The following LARGE1 variants were observed in gnomAD, a reference collection of about 807,000 sequenced individuals.
The protein encoded by LARGE1 is xylosyl- and glucuronyltransferase LARGE1.
In LARGE1, 43 loss-of-function variants were observed where a neutral mutation model predicts 87.6. That is an observed-to-expected ratio of 0.49 (90% CI 0.38 to 0.63). The LOEUF (loss-of-function observed/expected upper bound fraction) is 0.63, where lower values mean the gene tolerates loss of function less well. Ranked by LOEUF, LARGE1 falls within the 30% of genes least tolerant of loss-of-function variation. The pLI is 0.00. For missense variants in LARGE1, 802 were observed against 1,000.2 expected (o/e 0.80, Z 2.67); for synonymous variants, 434 against 394.6 (o/e 1.10, Z -1.18).
intron 2 of LARGE1, among the ~76,000 whole-genome samples, chr22:33,735,827 A>C (rs1351315025): frequency 6.6e-6 from 1 of 152,132 alleles, no homozygotes; most frequent in Non-Finnish European, 1.5e-5. Flanking sequence ...AAAACCACCA[A>C]TCTACTTTCT....
chr22:33,659,843 T>C (rs753932362), intron 2 of LARGE1, among the ~76,000 whole-genome samples: 9 of 151,252 alleles, frequency 6.0e-5, no homozygotes, highest in Non-Finnish European at 8.8e-5. Context: ...TGCACCATAA[T>C]AGGCTGAATG....
chr22:33,847,429 T>G (rs1277094919), intron 1 of LARGE1, among the ~76,000 whole-genome samples: 3 of 152,242 alleles, frequency 2.0e-5, no homozygotes, highest in African/African-American at 7.2e-5. Flanking sequence ...GTTCTGAAAC[T>G]TTTCATTTAA....
At chr22:33,403,564 C>T (rs2065995046) in intron 7 of LARGE1, among the ~76,000 whole-genome samples, 1 of 151,980 alleles carries the variant, frequency 6.6e-6, no homozygotes, top group South Asian at 2.1e-4. Flanking sequence ...TTCTAGTCTG[C>T]TACTTGTTTT....
At chr22:33,706,200 G>T (rs1379131185) in intron 2 of LARGE1, among the ~76,000 whole-genome samples, 1 of 152,192 alleles carries the variant, frequency 6.6e-6, no homozygotes, top group African/African-American at 2.4e-5. Context: ...AACCCCATCA[G>T]ACTGGCTGCA....
chr22:33,322,845 G>T (rs1287585031), intron 10 of LARGE1: 1 of 152,154 alleles, frequency 6.6e-6, no homozygotes, highest in African/African-American at 2.4e-5. Context: ...AAAGGTGGCC[G>T]GGCACCGTGG....
chr22:33,524,083 G>A (rs2148523691), intron 6 of LARGE1, among the ~76,000 whole-genome samples: 1 of 152,140 alleles, frequency 6.6e-6, no homozygotes, highest in South Asian at 2.1e-4. Flanking sequence ...ATGAGGTCAG[G>A]AGTTCAAGAT....
chr22:33,420,617 G>A (rs992872073), intron 7 of LARGE1, among the ~76,000 whole-genome samples: 5 of 152,138 alleles, frequency 3.3e-5, no homozygotes, highest in Admixed American at 6.6e-5. Flanking sequence ...AGCACAAGAA[G>A]GAAGACAGTT....
At chr22:33,368,604 A>G (rs975828854) in intron 9 of LARGE1, among the ~76,000 whole-genome samples, 3 of 151,942 alleles carry the variant, frequency 2.0e-5, no homozygotes, top group Non-Finnish European at 4.4e-5. Flanking sequence ...GGACTTATCA[A>G]TTTCTCCCTG....
chr22:33,659,401 T>A (rs949428726), intron 2 of LARGE1, among the ~76,000 whole-genome samples: 1 of 152,214 alleles, frequency 6.6e-6, no homozygotes, highest in African/African-American at 2.4e-5. Flanking sequence ...CTCAGTTTGA[T>A]CTTAAAAGTT....
At chr22:33,092,418 C>T in the LARGE1 span, among the ~76,000 whole-genome samples, 23,646 of 151,994 alleles carry the variant, frequency 0.16, 2,238 homozygotes, top group East Asian at 0.41. Context: ...AAGCTCAGAA[C>T]AAATAAAGTG....
intron 7 of LARGE1, among the ~76,000 whole-genome samples, chr22:33,428,929 C>CAT (rs755883266): frequency 3.9e-4 from 41 of 105,554 alleles, no homozygotes; most frequent in Admixed American, 8.8e-4. Flanking sequence ...GACTCTGTCT[C>CAT]AAAAAAAAAG....
chr22:33,894,039 G>C (rs887369642), intron 1 of LARGE1, among the ~76,000 whole-genome samples: 3 of 152,024 alleles, frequency 2.0e-5, no homozygotes, highest in Non-Finnish European at 4.4e-5. Flanking sequence ...TGCAGACCTG[G>C]ATGCTCTAAG....
intron 6 of LARGE1, among the ~76,000 whole-genome samples, chr22:33,447,327 T>C (rs899530385): frequency 6.6e-6 from 1 of 152,146 alleles, no homozygotes; most frequent in East Asian, 1.9e-4. Context: ...TACACAAGCA[T>C]GGAGATGAGG....
chr22:33,154,540 A>G, the LARGE1 span, among the ~76,000 whole-genome samples: 14 of 152,280 alleles, frequency 9.2e-5, no homozygotes, highest in East Asian at 5.8e-4. Flanking sequence ...GCGCCCAGCC[A>G]GGTTTATGTT....
intron 6 of LARGE1, among the ~76,000 whole-genome samples, chr22:33,473,879 G>A (rs974484426): frequency 6.6e-6 from 1 of 152,328 alleles, no homozygotes; most frequent in South Asian, 2.1e-4. Flanking sequence ...TCTGTTCTAT[G>A]AGTATGCGAC....
intron 1 of LARGE1, among the ~76,000 whole-genome samples, chr22:33,813,355 G>A (rs1601678606): frequency 6.6e-6 from 1 of 151,960 alleles, no homozygotes; most frequent in East Asian, 1.9e-4. Flanking sequence ...AATAAATCAG[G>A]ATTGTATGCT....
the LARGE1 span, among the ~76,000 whole-genome samples, chr22:33,066,871 C>A: frequency 6.6e-6 from 1 of 152,136 alleles, no homozygotes; most frequent in East Asian, 1.9e-4. Context: ...TCGGCAAGAA[C>A]AGATTCAGCC....
At chr22:33,368,170 T>C (rs1652071060) in intron 9 of LARGE1, among the ~76,000 whole-genome samples, 4 of 152,202 alleles carry the variant, frequency 2.6e-5, no homozygotes, top group Admixed American at 2.6e-4. Context: ...TAAGTCAACA[T>C]GTTAACTGTG....
chr22:33,172,198 G>A (rs576099547), intron 11 of LARGE1, among the ~76,000 whole-genome samples: 58 of 152,352 alleles, frequency 3.8e-4, no homozygotes, highest in African/African-American at 1.3e-3. Context: ...ATTTACCAAT[G>A]CCTGTACCCC....
Sources: allele counts gnomAD v4.1 joint callset (sites outside exome capture counted in the v4.1 genomes callset), GRCh38; gene constraint gnomAD v4.1.1; transcripts MANE v1.5; gene names NCBI Gene and HGNC (gene_info 2026-07-23, HGNC 2026-07-21).